MTUS2: variants seen among roughly 807,000 people sequenced by gnomAD.
MTUS2 encodes microtubule-associated tumor suppressor candidate 2.
MTUS2 carries 40 observed loss-of-function variants against 114.1 expected under a neutral mutation model. The ratio of observed to expected loss-of-function variants is 0.35; its 90% CI spans 0.27 to 0.46. The LOEUF is 0.46. Among genes scored for constraint, MTUS2 ranks in the 20% least tolerant of loss-of-function variants. The probability of loss-of-function intolerance (pLI) is 1.00; values close to 1 mark genes in which losing one functional copy is unlikely to be tolerated. For synonymous variants in MTUS2, 688 were observed against 672.0 expected (o/e 1.02, Z -0.37); for missense variants, 1,679 against 1,705.4 (o/e 0.98, Z 0.27).
At chr13:28,869,489 A>G (rs181054287) in intron 2 of MTUS2, among the ~76,000 whole-genome samples, 66 of 152,268 alleles carry the variant, frequency 4.3e-4, no homozygotes, top group African/African-American at 1.6e-3. Context: ...GTAGGTAGTA[A>G]AGGCCAGGCA....
intron 2 of MTUS2, among the ~76,000 whole-genome samples, chr13:28,870,055 A>G (rs771546031): frequency 1.3e-5 from 2 of 152,182 alleles, no homozygotes; most frequent in Non-Finnish European, 2.9e-5. Context: ...AATATATATC[A>G]TGTATAGTGA....
At chr13:28,885,674 G>T (rs1437164662) in intron 2 of MTUS2, among the ~76,000 whole-genome samples, 1 of 152,150 alleles carries the variant, frequency 6.6e-6, no homozygotes, top group African/African-American at 2.4e-5. Context: ...ACACATGCTT[G>T]TATGGACCAA....
chr13:28,957,113 A>G (rs1883108894), intron 2 of MTUS2, among the ~76,000 whole-genome samples: 1 of 152,202 alleles, frequency 6.6e-6, no homozygotes, highest in Admixed American at 6.5e-5. Flanking sequence ...ACAGTGTACA[A>G]AGAGCTCTGG....
At chr13:29,342,877 G>A (rs373072456) in intron 7 of MTUS2, among the ~76,000 whole-genome samples, 1 of 151,954 alleles carries the variant, frequency 6.6e-6, no homozygotes, top group South Asian at 2.1e-4. Context: ...AAGGGATGGT[G>A]GATTTTGTCA....
chr13:28,967,766 A>T (rs1010646014), intron 2 of MTUS2, among the ~76,000 whole-genome samples: 18 of 152,136 alleles, frequency 1.2e-4, no homozygotes, highest in African/African-American at 4.1e-4. Flanking sequence ...GCAAAAATTC[A>T]TCATCCCTGG....
chr13:29,259,028 A>G (rs1897373794), intron 5 of MTUS2, among the ~76,000 whole-genome samples: 1 of 152,270 alleles, frequency 6.6e-6, no homozygotes, highest in Non-Finnish European at 1.5e-5. Flanking sequence ...TATGAGTTCT[A>G]AGTTCTATGA....
chr13:28,905,841 C>G (rs931043785), intron 2 of MTUS2, among the ~76,000 whole-genome samples: 13 of 151,522 alleles, frequency 8.6e-5, no homozygotes, highest in Non-Finnish European at 1.6e-4. Flanking sequence ...AGCAGCTCCT[C>G]CTTGTACCTC....
intron 7 of MTUS2, among the ~76,000 whole-genome samples, chr13:29,336,951 A>G (rs1901093858): frequency 6.6e-6 from 1 of 152,122 alleles, no homozygotes; most frequent in Admixed American, 6.5e-5. Flanking sequence ...GTGAGGGGAA[A>G]ACCACCTACT....
chr13:29,206,323 A>C (rs950768242), intron 5 of MTUS2, among the ~76,000 whole-genome samples: 1 of 152,180 alleles, frequency 6.6e-6, no homozygotes, highest in East Asian at 1.9e-4. Context: ...TGTCAGATGC[A>C]TAGTTTTCAA....
chr13:28,848,143 A>C (rs1400895730), intron 2 of MTUS2, among the ~76,000 whole-genome samples: 1 of 152,168 alleles, frequency 6.6e-6, no homozygotes, highest in Non-Finnish European at 1.5e-5. Context: ...TGTGATAATC[A>C]CTGTGCCAGA....
intron 5 of MTUS2, among the ~76,000 whole-genome samples, chr13:29,233,047 C>G (rs533016241): frequency 1.3e-5 from 2 of 152,238 alleles, no homozygotes; most frequent in South Asian, 4.2e-4. Context: ...ACTCTGAAGT[C>G]ATGTGAAAGC....
intron 8 of MTUS2, among the ~76,000 whole-genome samples, chr13:29,431,887 C>T (rs1006314090): frequency 2.6e-5 from 4 of 152,068 alleles, no homozygotes; most frequent in Non-Finnish European, 4.4e-5. Context: ...CTCTGTCACC[C>T]AGTCTGGAGT....
At chr13:29,393,287 C>G (rs1410679269) in intron 8 of MTUS2, among the ~76,000 whole-genome samples, 1 of 152,104 alleles carries the variant, frequency 6.6e-6, no homozygotes, top group Non-Finnish European at 1.5e-5. Flanking sequence ...CACCACATGC[C>G]ATTTGTTTTT....
chr13:29,414,426 G>A (rs1875501909), intron 8 of MTUS2, among the ~76,000 whole-genome samples: 2 of 117,536 alleles, frequency 1.7e-5, no homozygotes, highest in Admixed American at 9.8e-5. Flanking sequence ...TGCACAATGT[G>A]CACATGTACC....
At chr13:29,102,867 A>G (rs1890479701) in intron 5 of MTUS2, among the ~76,000 whole-genome samples, 1 of 152,200 alleles carries the variant, frequency 6.6e-6, no homozygotes, top group African/African-American at 2.4e-5. Flanking sequence ...GAAGCTCTTG[A>G]GAGAGCTAAA....
intron 2 of MTUS2, among the ~76,000 whole-genome samples, chr13:28,977,001 C>A (rs965139290): frequency 6.6e-6 from 1 of 152,026 alleles, no homozygotes; most frequent in African/African-American, 2.4e-5. Context: ...TATACCCTTC[C>A]CCCCTTTGAG....
intron 6 of MTUS2, among the ~76,000 whole-genome samples, chr13:29,314,600 A>T (rs1899910011): frequency 6.6e-6 from 1 of 152,234 alleles, no homozygotes; most frequent in Non-Finnish European, 1.5e-5. Context: ...AAGAAGTAGC[A>T]TTATAAACAT....
intron 5 of MTUS2, among the ~76,000 whole-genome samples, chr13:29,216,099 G>A (rs1195864941): frequency 2.0e-5 from 3 of 152,206 alleles, no homozygotes; most frequent in African/African-American, 7.2e-5. Flanking sequence ...ATCTAGAGAG[G>A]TAGTCTGGCC....
chr13:29,456,884 T>C (rs185896956), intron 9 of MTUS2, among the ~76,000 whole-genome samples: 1 of 152,180 alleles, frequency 6.6e-6, no homozygotes, highest in Admixed American at 6.5e-5. Context: ...ACGCCTGTAA[T>C]CCCAGCACTT....
Sources: gnomAD v4.1 joint callset for allele counts (sites outside exome capture counted in the v4.1 genomes callset) on GRCh38, gnomAD v4.1.1 for gene constraint, MANE v1.5 for transcripts, NCBI Gene and HGNC (gene_info 2026-07-23, HGNC 2026-07-21) for gene names.